ZNF804B: variants seen among roughly 807,000 people sequenced by gnomAD.
The protein encoded by ZNF804B is zinc finger protein 804B.
In ZNF804B, 80 loss-of-function variants were observed where a neutral mutation model predicts 101.4. That is an observed-to-expected ratio of 0.79 (90% CI 0.66 to 0.95). The LOEUF (loss-of-function observed/expected upper bound fraction) is 0.95, where lower values mean the gene tolerates loss of function less well. ZNF804B is among the 40% of genes least tolerant of loss of function. The probability of loss-of-function intolerance (pLI) is 0.00; values close to 1 mark genes in which losing one functional copy is unlikely to be tolerated. For missense variants in ZNF804B, 1,673 were observed against 1,561.9 expected (o/e 1.07, Z -1.20); for synonymous variants, 622 against 558.8 (o/e 1.11, Z -1.59).
chr7:89,048,685 T>C (rs1273934783), intron 1 of ZNF804B, among the ~76,000 whole-genome samples: 1 of 151,866 alleles, frequency 6.6e-6, no homozygotes, highest in Non-Finnish European at 1.5e-5. Flanking sequence ...CAGAAGAAAT[T>C]ATGTAAAGAT....
chr7:88,853,684 T>C (rs1452928647), intron 1 of ZNF804B, among the ~76,000 whole-genome samples: 2 of 152,112 alleles, frequency 1.3e-5, no homozygotes, highest in Non-Finnish European at 2.9e-5. Flanking sequence ...TAAATGTGTA[T>C]ATATATTTTC....
chr7:88,870,275 C>T (rs1044763049), intron 1 of ZNF804B, among the ~76,000 whole-genome samples: 2 of 149,520 alleles, frequency 1.3e-5, no homozygotes, highest in Non-Finnish European at 3.0e-5. Flanking sequence ...GTCCCAGCTA[C>T]ACGGGAGGCT....
At chr7:89,159,357 G>T (rs562054547) in intron 1 of ZNF804B, among the ~76,000 whole-genome samples, 52 of 152,166 alleles carry the variant, frequency 3.4e-4, no homozygotes, top group African/African-American at 1.2e-3. Context: ...CTGTTAAAGT[G>T]AATTGAGCAA....
At position 88,919,008 on chromosome 7, in the gene ZNF804B, AT is replaced by A. The variant is rs906370196; in HGVS notation, c.108+158933del. Among the ~76,000 whole-genome samples, 327 of 151,554 alleles carry A rather than the reference AT, an allele frequency of 2.2e-3. 2 individuals carry two copies. Among genetic ancestry groups the A allele is most frequent in the African/African-American group, 7.1e-3 (294 of 41,402 alleles). Reference sequence around the variant, plus strand: ...TGGGGCATGAAAATCAAGTTACTTAATTTTTTTTTATGGAAGGAGTGTTTAT... The same window carrying A: ...TGGGGCATGAAAATCAAGTTACTTAATTTTTTTTATGGAAGGAGTGTTTAT... On this transcript the variant is annotated intron_variant, in intron 1 of 3. Coordinates refer to ENST00000333190, the MANE Select transcript of ZNF804B (RefSeq NM_181646.5).
In ZNF804B at chr7:89,333,790, A is replaced by G. The variant is rs138598777; in HGVS notation, c.808A>G (p.Asn270Asp). 12 of 1,613,516 alleles carry G rather than the reference A, an allele frequency of 7.4e-6. No individual in the cohort carries two copies. The African/African-American group carries it at 1.6e-4, about 22-fold the overall frequency. ...ADKCKCCRFA[N>D]KDTHLTKEKE... The stretch of plus-strand genomic sequence containing the variant: ...TAAGTGCAAGTGCTGCAGGTTTGCA[A>G]ATAAAGATACACACCTTACCAAGGA... The change falls in exon 4 of 4, where the codon AAT becomes GAT. Residue 270 changes from asparagine (N) to aspartate (D), a missense_variant. Physicochemically the swap from Asn to Asp is conservative, Grantham distance 23. Transcript: ENST00000333190.
chr7:89,200,848 G>A (rs951340153), intron 1 of ZNF804B, among the ~76,000 whole-genome samples: 1 of 151,684 alleles, frequency 6.6e-6, no homozygotes, highest in Non-Finnish European at 1.5e-5. Context: ...GGATTCTTTT[G>A]CCCACCTGAG....
At chr7:89,057,237 G>T (rs748189846) in intron 1 of ZNF804B, among the ~76,000 whole-genome samples, 2 of 152,070 alleles carry the variant, frequency 1.3e-5, no homozygotes, top group African/African-American at 2.4e-5. Flanking sequence ...GGAACAGTGG[G>T]GATACAAATG....
intron 1 of ZNF804B, among the ~76,000 whole-genome samples, chr7:89,177,450 T>G (rs752650448): frequency 2.0e-5 from 3 of 152,228 alleles, no homozygotes; most frequent in Non-Finnish European, 4.4e-5. Flanking sequence ...TACTGATTTG[T>G]AGTTTTATTC....
At chr7:89,327,659 A>G (rs757839152) in intron 3 of ZNF804B, among the ~76,000 whole-genome samples, 185 bp downstream of exon 3, 63 of 152,128 alleles carry the variant, frequency 4.1e-4, no homozygotes, top group South Asian at 1.2e-3. Flanking sequence ...CTTTCCTAAT[A>G]TTGTTAATTT....
At chr7:89,232,149 T>A (rs988371091) in intron 2 of ZNF804B, among the ~76,000 whole-genome samples, 1 of 152,252 alleles carries the variant, frequency 6.6e-6, no homozygotes, top group Middle Eastern at 3.4e-3. Flanking sequence ...CGGGCTTCCG[T>A]TTAGCCAGAT....
At chr7:89,287,973 A>C (rs778677865) in intron 2 of ZNF804B, among the ~76,000 whole-genome samples, 7 of 152,072 alleles carry the variant, frequency 4.6e-5, no homozygotes, top group Non-Finnish European at 8.8e-5. Context: ...CAAAAGATAA[A>C]TATCCAGAGC....
rs200482259 is a variant in ZNF804B, at chr7:88,845,297, G to GCACA, written c.108+85214_108+85215insACAC. Among the ~76,000 whole-genome samples the GCACA allele has an allele frequency of 7.2e-3, 858 of 119,880 alleles. 2 individuals carry two copies. Among genetic ancestry groups the GCACA allele is most frequent in the Admixed American group, 0.012 (140 of 11,860 alleles). 78.6% of individuals were successfully genotyped at this position (119,880 alleles called of 152,430 possible). On this transcript the variant is annotated intron_variant, in intron 1 of 3. Coordinates refer to ENST00000333190, the MANE Select transcript of ZNF804B (RefSeq NM_181646.5). ...TGTGTGCGCACGCGCGCGCGCACGC[G>GCACA]CGCGCACACACACACACACACACAA...
chr7:89,130,559 C>A (rs1228337942), intron 1 of ZNF804B, among the ~76,000 whole-genome samples: 5 of 151,830 alleles, frequency 3.3e-5, no homozygotes, highest in African/African-American at 1.2e-4. Flanking sequence ...CTTGTTCTGA[C>A]CCCTGAAGGT....
chr7:89,169,099 C>A (rs763055302), intron 1 of ZNF804B, among the ~76,000 whole-genome samples: 1 of 152,104 alleles, frequency 6.6e-6, no homozygotes, highest in East Asian at 1.9e-4. Context: ...GGAACAATTG[C>A]GAACCTTTAG....
At chr7:88,957,609 T>A (rs935221755) in intron 1 of ZNF804B, among the ~76,000 whole-genome samples, 2 of 151,378 alleles carry the variant, frequency 1.3e-5, no homozygotes, top group African/African-American at 2.4e-5. Flanking sequence ...AGATTGTGAC[T>A]GAAGTTTTGA....
chr7:89,253,101 C>G (rs1273343137), intron 2 of ZNF804B, among the ~76,000 whole-genome samples: 1 of 152,032 alleles, frequency 6.6e-6, no homozygotes, highest in Non-Finnish European at 1.5e-5. Flanking sequence ...TATGAAAATG[C>G]TGCTTTTCAA....
intron 1 of ZNF804B, among the ~76,000 whole-genome samples, chr7:89,113,705 C>A (rs1248261791): frequency 6.6e-6 from 1 of 152,134 alleles, no homozygotes; most frequent in Non-Finnish European, 1.5e-5. Flanking sequence ...GTAATCCCAG[C>A]ACTTTGGGAG....
intron 1 of ZNF804B, among the ~76,000 whole-genome samples, chr7:89,159,380 T>G (rs1791024567): frequency 6.6e-6 from 1 of 150,388 alleles, no homozygotes; most frequent in Non-Finnish European, 1.5e-5. Context: ...GCTTTAGAAA[T>G]AGAACTGGAT....
chr7:89,335,475 C>A lies in ZNF804B; in HGVS notation c.2493C>A (p.Asn831Lys). The A allele has an allele frequency of 6.2e-7, 1 of 1,614,004 alleles. No individual in the cohort carries two copies. The highest frequency in any genetic ancestry group is 1.1e-5 in the South Asian group (1 of 91,082). The change falls in exon 4 of 4, where the codon AAC (asparagine) becomes AAA (lysine). Residue 831 changes from asparagine to lysine, a missense_variant. Physicochemically the swap from Asn to Lys is moderately conservative, Grantham distance 94. Coordinates refer to ENST00000333190, the MANE Select transcript of ZNF804B (RefSeq NM_181646.5). ...CGAGAATCATCTATTGTGATTCTAA[C>A]TCACAGATTTCCTGTACTGGAAGCA... ...KSTRIIYCDS[N>K]SQISCTGSSK...
Sources: allele counts gnomAD v4.1 joint callset (sites outside exome capture counted in the v4.1 genomes callset), GRCh38; gene constraint gnomAD v4.1.1; transcripts MANE v1.5; gene names NCBI Gene and HGNC (gene_info 2026-07-23, HGNC 2026-07-21).